Variants in ATRNL1 observed in about 807,000 individuals in gnomAD.
The protein encoded by ATRNL1 is attractin-like protein 1.
Under a neutral mutation model 182.7 loss-of-function variants are expected in ATRNL1, and 95 were observed. That is an observed-to-expected ratio of 0.52 (90% confidence interval 0.44 to 0.62). The LOEUF (loss-of-function observed/expected upper bound fraction) is 0.62. Ranked by LOEUF, ATRNL1 falls within the 20% of genes least tolerant of loss-of-function variation. The pLI, the probability that ATRNL1 is intolerant of heterozygous loss-of-function variation, is 0.00. For synonymous variants in ATRNL1, 576 were observed against 568.3 expected (o/e 1.01, Z -0.19); for missense variants, 1,471 against 1,679.5 (o/e 0.88, Z 2.17).
intron 28 of ATRNL1, among the ~76,000 whole-genome samples, chr10:115,877,387 C>G (rs1452193626): frequency 6.6e-6 from 1 of 152,204 alleles, no homozygotes; most frequent in African/African-American, 2.4e-5. Context: ...CTGCTCATCA[C>G]AGTGGGAAGC....
rs565335693 is a variant in ATRNL1, at chr10:115,620,477, T to A, written c.3795+70941T>A. 2.1e-3 allele frequency among the ~76,000 whole-genome samples: 316 copies of A among 152,370 alleles called. 1 individual carries two copies. Among genetic ancestry groups the A allele is most frequent in the African/African-American group, 7.1e-3 (296 of 41,588 alleles). On this transcript the variant is annotated intron_variant, in intron 26 of 28. Transcript: ENST00000355044. ...CTTTTAAGCTGCTTATATAATTTTA[T>A]GCCCTTAAACCATTTTAGAGACAAA...
At chr10:115,124,237 A>T (rs1488426317) in intron 3 of ATRNL1, among the ~76,000 whole-genome samples, 3 of 152,102 alleles carry the variant, frequency 2.0e-5, no homozygotes, top group Admixed American at 6.5e-5. Context: ...TACTCTGACC[A>T]TCTGGCTACA....
intron 1 of ATRNL1, among the ~76,000 whole-genome samples, chr10:115,095,140 C>T (rs2084978688): frequency 1.3e-5 from 2 of 152,072 alleles, no homozygotes; most frequent in South Asian, 4.1e-4. Context: ...ATGCAGGTAA[C>T]AGTCATTAAG....
intron 5 of ATRNL1, among the ~76,000 whole-genome samples, chr10:115,130,841 A>G (rs148968826): frequency 2.6e-5 from 4 of 152,212 alleles, no homozygotes; most frequent in Admixed American, 6.5e-5. Flanking sequence ...TATTTTTCAA[A>G]CTGGTCTTCA....
chr10:115,620,921 T>A (rs2133803830), intron 26 of ATRNL1, among the ~76,000 whole-genome samples: 1 of 152,312 alleles, frequency 6.6e-6, no homozygotes, highest in Middle Eastern at 3.4e-3. Context: ...GCAGTTTTCA[T>A]AGAAATTTTT....
intron 27 of ATRNL1, among the ~76,000 whole-genome samples, chr10:115,748,981 T>C (rs1948371393): frequency 2.0e-5 from 3 of 151,952 alleles, no homozygotes; most frequent in Non-Finnish European, 1.5e-5. Flanking sequence ...GACATTTTAC[T>C]AGAGTCTATG....
chr10:115,127,775 AAG>A, intron 4 of ATRNL1, 54 bp downstream of exon 4: 2 of 1,267,598 alleles, frequency 1.6e-6, no homozygotes, highest in Non-Finnish European at 2.1e-6. Flanking sequence ...TTTAATGTAA[AAG>A]AGGTTTTTTT....
intron 27 of ATRNL1, among the ~76,000 whole-genome samples, chr10:115,822,372 G>A (rs10885818): frequency 0.77 from 117,665 of 152,058 alleles, 45,615 homozygotes; most frequent in Admixed American, 0.83. Flanking sequence ...TAAAAGAACT[G>A]GAGAAGCAAG....
At chr10:115,549,825 A>G (rs574676649) in intron 26 of ATRNL1, among the ~76,000 whole-genome samples, 26 of 152,160 alleles carry the variant, frequency 1.7e-4, no homozygotes, top group Middle Eastern at 3.4e-3. Context: ...TAATATATTT[A>G]ACAGGCATTT....
At chr10:115,634,901 G>T (rs1261712488) in intron 26 of ATRNL1, among the ~76,000 whole-genome samples, 1 of 151,906 alleles carries the variant, frequency 6.6e-6, no homozygotes, top group Non-Finnish European at 1.5e-5. Context: ...TATAAAAATT[G>T]CATATCCATG....
intron 2 of ATRNL1, among the ~76,000 whole-genome samples, chr10:115,121,254 A>T (rs1844716885): frequency 1.3e-5 from 2 of 152,098 alleles, no homozygotes; most frequent in Non-Finnish European, 2.9e-5. Context: ...CTGGGACTAG[A>T]GGTGCATGCC....
At position 115,488,559 on chromosome 10, in the gene ATRNL1, G is replaced by A. The variant is rs553658542; in HGVS notation, c.3654+19230G>A. 5.9e-5 allele frequency among the ~76,000 whole-genome samples: 9 copies of A among 152,166 alleles called. No homozygotes were observed. The East Asian group carries it at 1.7e-3, about 29-fold the overall frequency. On this transcript the variant is annotated intron_variant, in intron 24 of 28. Coordinates refer to ENST00000355044, the MANE Select transcript of ATRNL1 (RefSeq NM_207303.4). ...GGAAGTTTGTATTTCTGTGGGATCG[G>A]TGGTGATATCCCCTTTATCATTTTT...
chr10:115,118,828 G>A (rs1294731755), intron 1 of ATRNL1, among the ~76,000 whole-genome samples: 1 of 152,044 alleles, frequency 6.6e-6, no homozygotes, highest in East Asian at 1.9e-4. Flanking sequence ...TTTGTTACTT[G>A]TAAGATTTTA....
At chr10:115,730,277 AAAAAAGAG>A in intron 27 of ATRNL1, among the ~76,000 whole-genome samples, 1 of 145,724 alleles carries the variant, frequency 6.9e-6, no homozygotes, top group Non-Finnish European at 1.5e-5. Flanking sequence ...AAAAAAAAAA[AAAAAAGAG>A]AGAGAGAGAG....
intron 27 of ATRNL1, among the ~76,000 whole-genome samples, chr10:115,830,518 T>TAAAACGAC (rs1950535697): frequency 6.6e-6 from 1 of 152,128 alleles, no homozygotes; most frequent in African/African-American, 2.4e-5. Context: ...GACCATCTGC[T>TAAAACGAC]TGGCTGGGAT....
chr10:115,127,726 G>A lies in ATRNL1; in HGVS notation c.620+5G>A. 2 of 1,407,474 alleles carry A rather than the reference G, an allele frequency of 1.4e-6. No individual in the cohort carries two copies. Among genetic ancestry groups the A allele is most frequent in the Non-Finnish European group, 1.9e-6 (2 of 1,071,646 alleles). 87.2% of individuals were successfully genotyped at this position (1,407,474 alleles called of 1,614,324 possible). A position where few individuals can be genotyped will look rare whatever the true frequency, so the allele number is the denominator to read the frequency against. ...TGGTTTCAACATTTTCTATTCGTAA[G>A]TATTTTTTAAAAATTCCTTCTTTTA... is the stretch of plus-strand genomic sequence containing the variant. On this transcript the variant is annotated splice_donor_5th_base_variant and intron_variant, in intron 4 of 28. Coordinates refer to ENST00000355044, the MANE Select transcript of ATRNL1 (RefSeq NM_207303.4).
intron 10 of ATRNL1, among the ~76,000 whole-genome samples, chr10:115,244,286 C>T (rs967262829): frequency 1.3e-5 from 2 of 152,112 alleles, no homozygotes; most frequent in Non-Finnish European, 2.9e-5. Flanking sequence ...GAACATTACT[C>T]TCACAGTAAA....
chr10:115,590,026 A>G (rs1313132604), intron 26 of ATRNL1, among the ~76,000 whole-genome samples: 1 of 152,188 alleles, frequency 6.6e-6, no homozygotes, highest in East Asian at 1.9e-4. Flanking sequence ...CAGATTCACA[A>G]TGTAAAATAT....
At chr10:115,658,089 CCTTT>C (rs1287237830) in intron 26 of ATRNL1, among the ~76,000 whole-genome samples, 1 of 120,638 alleles carries the variant, frequency 8.3e-6, no homozygotes, top group Non-Finnish European at 1.7e-5. Flanking sequence ...TAATTTTTTT[CCTTT>C]TTTTTTTTTT....
Sources: gnomAD v4.1 joint callset for allele counts (sites outside exome capture counted in the v4.1 genomes callset) on GRCh38, gnomAD v4.1.1 for gene constraint, MANE v1.5 for transcripts, NCBI Gene and HGNC (gene_info 2026-07-23, HGNC 2026-07-21) for gene names.